C1QTNF9B: variants seen among roughly 807,000 people sequenced by gnomAD.
C1QTNF9B encodes complement C1q and tumor necrosis factor-related protein 9B.
Under a neutral mutation model 10.1 loss-of-function variants are expected in C1QTNF9B, and 9 were observed. The ratio of observed to expected loss-of-function variants is 0.89; its 90% CI spans 0.53 to 1.55. The LOEUF (loss-of-function observed/expected upper bound fraction) is 1.55, where lower values mean the gene tolerates loss of function less well. Among genes scored for constraint, C1QTNF9B ranks in the 40% most tolerant of loss-of-function variants. C1QTNF9B has a pLI of 0.00. For missense variants in C1QTNF9B, 196 were observed against 414.4 expected, an observed-to-expected ratio of 0.47 and a Z score of 4.58; for synonymous variants, 79 against 159.9, an observed-to-expected ratio of 0.49 and a Z score of 3.82.
exon 3 of C1QTNF9B, chr13:23,891,809 C>G: frequency 1.2e-6 from 2 of 1,613,996 alleles, no homozygotes; most frequent in Non-Finnish European, 1.7e-6. Context: ...TCCCTTGGGA[C>G]CAGGCTTTCC....
intron 2 of C1QTNF9B, among the ~76,000 whole-genome samples, chr13:23,893,441 G>GCAAAA (rs1390628473): frequency 6.6e-6 from 1 of 152,130 alleles, no homozygotes. Flanking sequence ...CCTCCCGCAA[G>GCAAAA]CAAAACAAAC....
intron 2 of C1QTNF9B, 86 bp downstream of exon 4, chr13:23,894,053 T>C: frequency 7.2e-7 from 1 of 1,394,194 alleles, no homozygotes; most frequent in South Asian, 1.2e-5. Flanking sequence ...TATAAGATTA[T>C]AATCAGCATG....
intron 1 of C1QTNF9B, among the ~76,000 whole-genome samples, chr13:23,894,815 C>G (rs550399483): frequency 6.6e-6 from 1 of 152,322 alleles, no homozygotes; most frequent in South Asian, 2.1e-4. Context: ...GTGCTCAGAA[C>G]AGGCCCCCCT....
intron 1 of C1QTNF9B, among the ~76,000 whole-genome samples, chr13:23,895,399 T>A (rs1352291179): frequency 6.6e-6 from 1 of 152,010 alleles, no homozygotes. Context: ...AAAAATACAC[T>A]TTAAGATGGT....
rs146684332 is a variant in C1QTNF9B, at chr13:23,892,535, G to A, written c.230-474C>T. Among the ~76,000 whole-genome samples, 56 of 152,276 alleles carry A rather than the reference G, an allele frequency of 3.7e-4. 2 individuals carry two copies. In the East Asian group the frequency reaches 0.01, roughly 28 times the overall value. On this transcript the variant is annotated intron_variant, in intron 2 of 2. Coordinates refer to ENST00000382137, the Ensembl canonical transcript of C1QTNF9B. ...CCAGGTGCGGTGGCACACAATTGTA[G>A]TCCCAGATATTCAGGAGGCTGAGGT...
exon 3 of C1QTNF9B, chr13:23,891,222 C>A: frequency 7.5e-7 from 1 of 1,330,062 alleles, no homozygotes; most frequent in South Asian, 1.8e-5. Flanking sequence ...AAAGTAAAAC[C>A]ATCTGAATAA....
intron 1 of C1QTNF9B, 28 bp downstream of exon 3, chr13:23,896,793 A>G (rs1658706028): frequency 5.0e-6 from 8 of 1,612,490 alleles, no homozygotes; most frequent in African/African-American, 1.3e-5. Context: ...GAGAAGCTCA[A>G]AGGCAGCCGA....
chr13:23,891,431 G>A, exon 3 of C1QTNF9B: 1 of 1,582,038 alleles, frequency 6.3e-7, no homozygotes, highest in East Asian at 2.2e-5. Flanking sequence ...GCTGCCAGAG[G>A]CCTGGTCCTC....
At chr13:23,893,937 A>C (rs564618811) in intron 2 of C1QTNF9B, among the ~76,000 whole-genome samples, 1 of 152,210 alleles carries the variant, frequency 6.6e-6, no homozygotes, top group Non-Finnish European at 1.5e-5. Flanking sequence ...AGTAGTGGTG[A>C]CAGATCTGTG....
chr13:23,896,586 G>T (rs150519336), intron 1 of C1QTNF9B, among the ~76,000 whole-genome samples: 1,978 of 147,576 alleles, frequency 0.013, 31 homozygotes, highest in African/African-American at 0.044. Flanking sequence ...ATGGCGATCT[G>T]GCCCTGTGCT....
chr13:23,894,967 C>T (rs1170456019), intron 1 of C1QTNF9B, among the ~76,000 whole-genome samples: 3 of 152,224 alleles, frequency 2.0e-5, no homozygotes, highest in South Asian at 2.1e-4. Flanking sequence ...GACCCACTGA[C>T]GTGGCTGTGG....
At chr13:23,892,632 G>A (rs1375826834) in intron 2 of C1QTNF9B, among the ~76,000 whole-genome samples, 2 of 152,170 alleles carry the variant, frequency 1.3e-5, no homozygotes, top group African/African-American at 4.8e-5. Context: ...TCCAGCCTGG[G>A]CAACAGAGTG....
At chr13:23,893,347 A>G (rs1461239293) in intron 2 of C1QTNF9B, among the ~76,000 whole-genome samples, 1 of 152,228 alleles carries the variant, frequency 6.6e-6, no homozygotes, top group Non-Finnish European at 1.5e-5. Flanking sequence ...GCACCAAGTC[A>G]AAAACTCAGT....
At chr13:23,892,489 T>G (rs897176242) in intron 2 of C1QTNF9B, among the ~76,000 whole-genome samples, 2 of 152,110 alleles carry the variant, frequency 1.3e-5, no homozygotes, top group Non-Finnish European at 2.9e-5. Context: ...ACCTCATCTC[T>G]GCAAAAAGTA....
At chr13:23,893,794 CAAAT>C (rs1178479238) in intron 2 of C1QTNF9B, among the ~76,000 whole-genome samples, 2 of 152,148 alleles carry the variant, frequency 1.3e-5, no homozygotes, top group African/African-American at 4.8e-5. Context: ...TAAATGGTCA[CAAAT>C]AATATTCCAC....
chr13:23,892,576 G>T (rs1158020555), intron 2 of C1QTNF9B, among the ~76,000 whole-genome samples: 1 of 152,140 alleles, frequency 6.6e-6, no homozygotes, highest in Non-Finnish European at 1.5e-5. Flanking sequence ...GATGGCTTGA[G>T]CCCAGGAGGC....
In C1QTNF9B at chr13:23,894,139, C is replaced by A. The variant is rs199574883; in HGVS notation, c.229G>T (p.Gly77Ter). ...AGCACCATAAATAGGAACTACTAACCTCGTTCTCCCTTCTCTCCACTCGTC... is the reference window on the plus strand; with the variant it reads ...AGCACCATAAATAGGAACTACTAACATCGTTCTCCCTTCTCTCCACTCGTC... Residue 77 changes from glycine (G) to a stop codon, truncating the protein, a stop_gained and splice_region_variant, in exon 2 of 3, where the codon GGA becomes TGA. Transcript: ENST00000382137. LOFTEE classifies it low-confidence loss of function (END_TRUNC). 443 of 1,518,784 alleles carry A rather than the reference C, an allele frequency of 2.9e-4. 19 individuals carry two copies. In the Middle Eastern group the frequency reaches 5.1e-3, roughly 17 times the overall value. 94.1% of individuals were successfully genotyped at this position (1,518,784 alleles called of 1,614,324 possible).
Position 23,896,976 on chromosome 13 carries a change from C to T in C1QTNF9B, c.11G>A (p.Trp4Ter). The change falls in exon 1 of 3, where the codon TGG (tryptophan) becomes TAG (stop). Residue 4 changes from tryptophan to a stop codon, truncating the protein, a stop_gained. Coordinates refer to ENST00000382137, the Ensembl canonical transcript of C1QTNF9B. LOFTEE classifies it high-confidence loss of function. ...GATTTCAATGGCAAGCAGAAGCCACCAGATCCTCATGGTTCAGATGACAGA... is the reference window on the plus strand; with the variant it reads ...GATTTCAATGGCAAGCAGAAGCCACTAGATCCTCATGGTTCAGATGACAGA... The T allele has an allele frequency of 1.2e-6, 2 of 1,613,830 alleles. No homozygotes were observed. The highest frequency in any genetic ancestry group is 1.7e-6 in the Non-Finnish European group (2 of 1,179,882).
At position 23,891,821 on chromosome 13, in the gene C1QTNF9B, A is replaced by G. The variant is rs1200002527; in HGVS notation, c.470T>C (p.Ile157Thr). ...TTCTCCCTTGGGACCAGGCTTTCCA[A>G]TAGGGCCCATGGGGCCCGGTAAACC... Residue 157 changes from isoleucine (I) to threonine (T), a missense_variant, in exon 3 of 3, where the codon ATT (isoleucine) becomes ACT (threonine). Transcript: ENST00000382137. 1.1e-5 allele frequency: 18 copies of G among 1,613,602 alleles called. No individual in the cohort carries two copies. The Admixed American group carries it at 2.2e-4, about 19-fold the overall frequency.
Sources: gnomAD v4.1 joint callset for allele counts (sites outside exome capture counted in the v4.1 genomes callset) on GRCh38, gnomAD v4.1.1 for gene constraint, MANE v1.5 for transcripts, NCBI Gene and HGNC (gene_info 2026-07-23, HGNC 2026-07-21) for gene names.